Variants in KDM1A observed in about 807,000 individuals in gnomAD.
KDM1A encodes the protein lysine demethylase 1A, also known as lysine-specific histone demethylase 1A.
In KDM1A, 49 loss-of-function variants were observed where a neutral mutation model predicts 109.4. The observed-to-expected ratio is 0.45, with a 90% CI of 0.36 to 0.57. KDM1A has a LOEUF of 0.57. Ranked by LOEUF, KDM1A falls within the 20% of genes least tolerant of loss-of-function variation. The probability of loss-of-function intolerance (pLI) is 0.00; values close to 1 mark genes in which losing one functional copy is unlikely to be tolerated. For synonymous variants in KDM1A, 380 were observed against 415.4 expected, an observed-to-expected ratio of 0.91 and a Z score of 1.04; for missense variants, 668 against 1,116.6, an observed-to-expected ratio of 0.60 and a Z score of 5.73.
chr1:23,027,456 G>A (rs1201187751), intron 1 of KDM1A, among the ~76,000 whole-genome samples: 7 of 127,130 alleles, frequency 5.5e-5, no homozygotes, highest in Non-Finnish European at 3.2e-5. Context: ...ACTCTGTCAC[G>A]CAGGCTGGAG....
At chr1:23,080,250 A>G (rs1032613400) in intron 18 of KDM1A, among the ~76,000 whole-genome samples, 4 of 152,226 alleles carry the variant, frequency 2.6e-5, no homozygotes, top group Non-Finnish European at 5.9e-5. Flanking sequence ...CCCAGTGGTG[A>G]ATGGTCTTTC....
chr1:23,075,071 A>C (rs1643424307), intron 15 of KDM1A, among the ~76,000 whole-genome samples: 1 of 152,264 alleles, frequency 6.6e-6, no homozygotes, highest in South Asian at 2.1e-4. Flanking sequence ...AGGTCAATTT[A>C]GGGTGAATTG....
intron 3 of KDM1A, among the ~76,000 whole-genome samples, chr1:23,045,829 A>G (rs1569707125): frequency 6.6e-6 from 1 of 152,204 alleles, no homozygotes; most frequent in Non-Finnish European, 1.5e-5. Flanking sequence ...TGACTGTTGT[A>G]AAACCTTCAA....
intron 4 of KDM1A, among the ~76,000 whole-genome samples, chr1:23,051,508 A>G (rs531754249): frequency 9.2e-5 from 14 of 152,296 alleles, no homozygotes; most frequent in East Asian, 5.8e-4. Context: ...GTGATAATCT[A>G]TGCTCCTATA....
intron 12 of KDM1A, among the ~76,000 whole-genome samples, chr1:23,070,807 CA>C (rs375171669): frequency 4.4e-4 from 53 of 120,162 alleles, no homozygotes; most frequent in East Asian, 7.2e-4. Flanking sequence ...GACTCTGTCT[CA>C]AAAAAAAAAA....
Position 23,042,444 on chromosome 1 carries a change from T to TA in KDM1A, c.518-1983_518-1982insA, listed in dbSNP as rs1489552808. Among the ~76,000 whole-genome samples, 71 of 88,196 alleles carry TA rather than the reference T, an allele frequency of 8.1e-4. 2 individuals carry two copies. Among genetic ancestry groups the TA allele is most frequent in the African/African-American group, 1.8e-3 (44 of 23,870 alleles). The allele number at this position is 88,196 out of a possible 152,430, so 57.9% of individuals were successfully genotyped here. A position where few individuals can be genotyped will look rare whatever the true frequency, so the allele number is the denominator to read the frequency against. On this transcript the variant is annotated intron_variant, in intron 2 of 20. Transcript: ENST00000400181. ...TAAAAATCTATGAAATATATTATTT[T>TA]TTTTTTTTTTTTTTTTTTTTTTTTT...
rs1160357911 is a variant in KDM1A at position 23,042,446 on chromosome 1, T to TATTA, written c.518-1981_518-1980insATTA. ...AAAATCTATGAAATATATTATTTTT[T>TATTA]TTTTTTTTTTTTTTTTTTTTTTTTG... On this transcript the variant is annotated intron_variant, in intron 2 of 20. Coordinates refer to ENST00000400181, the MANE Select transcript of KDM1A (RefSeq NM_001009999.3). 1.6e-3 allele frequency among the ~76,000 whole-genome samples: 26 copies of TATTA among 16,096 alleles called. 1 individual carries two copies. Among genetic ancestry groups the TATTA allele is most frequent in the African/African-American group, 4.2e-3 (16 of 3,770 alleles). 10.6% of individuals were successfully genotyped at this position (16,096 alleles called of 152,430 possible).
intron 8 of KDM1A, among the ~76,000 whole-genome samples, chr1:23,058,413 A>T (rs574960452): frequency 2.0e-4 from 31 of 152,358 alleles, no homozygotes; most frequent in Non-Finnish European, 4.0e-4. Flanking sequence ...TAGGACAAGT[A>T]CAAAGAACCC....
intron 2 of KDM1A, among the ~76,000 whole-genome samples, chr1:23,041,346 T>G (rs1452376145): frequency 6.6e-6 from 1 of 151,920 alleles, no homozygotes; most frequent in African/African-American, 2.4e-5. Flanking sequence ...ACTTTTAAAT[T>G]TTGTTTTCCA....
chr1:23,078,568 C>T (rs1032625422), intron 16 of KDM1A, among the ~76,000 whole-genome samples: 6 of 152,188 alleles, frequency 3.9e-5, no homozygotes, highest in African/African-American at 1.4e-4. Flanking sequence ...TGCATCACAG[C>T]CTTCTTGTAG....
chr1:23,038,670 G>A (rs1003182512), intron 2 of KDM1A, among the ~76,000 whole-genome samples: 1 of 152,136 alleles, frequency 6.6e-6, no homozygotes, highest in African/African-American at 2.4e-5. Flanking sequence ...AGCTTGTAGG[G>A]CCTTTTACTT....
At chr1:23,082,936 T>C (rs1047607304) in intron 20 of KDM1A, 1 of 393,782 alleles carries the variant, frequency 2.5e-6, no homozygotes. Context: ...TCTAAACTGA[T>C]GAGAACACAT....
At chr1:23,059,597 C>G (rs1433097655) in intron 9 of KDM1A, among the ~76,000 whole-genome samples, 2 of 152,060 alleles carry the variant, frequency 1.3e-5, no homozygotes, top group African/African-American at 4.8e-5. Flanking sequence ...GGCTAATAGC[C>G]AAATGGTGGT....
chr1:23,040,513 T>C (rs549650970), intron 2 of KDM1A, among the ~76,000 whole-genome samples: 3 of 152,040 alleles, frequency 2.0e-5, no homozygotes, highest in African/African-American at 7.2e-5. Flanking sequence ...GTCTCTACTT[T>C]AGGCCGATTG....
intron 2 of KDM1A, among the ~76,000 whole-genome samples, chr1:23,041,840 A>T (rs964825291): frequency 6.6e-6 from 1 of 150,790 alleles, no homozygotes; most frequent in Non-Finnish European, 1.5e-5. Context: ...GCATTTTTTT[A>T]AATTAAAAAA....
intron 10 of KDM1A, among the ~76,000 whole-genome samples, 182 bp downstream of exon 10, chr1:23,066,253 A>T (rs1643157650): frequency 6.6e-6 from 1 of 152,180 alleles, no homozygotes; most frequent in Non-Finnish European, 1.5e-5. Flanking sequence ...CATTGAAAGC[A>T]CGTGTAAAAC....
At chr1:23,064,253 T>C (rs939763638) in intron 9 of KDM1A, among the ~76,000 whole-genome samples, 1 of 152,248 alleles carries the variant, frequency 6.6e-6, no homozygotes, top group African/African-American at 2.4e-5. Context: ...AATAGCTATA[T>C]CTCATTTCCC....
chr1:23,037,246 G>T (rs1334561919), intron 2 of KDM1A, among the ~76,000 whole-genome samples: 1 of 150,992 alleles, frequency 6.6e-6, no homozygotes, highest in Admixed American at 6.6e-5. Context: ...AGAGGTTGCA[G>T]TGAGCTGGGA....
At position 23,071,321 on chromosome 1, in the gene KDM1A, G is replaced by A; in HGVS notation, c.1510G>A (p.Val504Met). The change falls in exon 13 of 21, where the codon GTG (valine) becomes ATG (methionine). Residue 504 changes from valine to methionine, a missense_variant. Val to Met is a conservative substitution (Grantham distance 21, BLOSUM62 1). This residue lies in a region of KDM1A where 162 missense variants were observed against 376.4 expected (regional missense o/e 0.43). Transcript: ENST00000400181. ...CAGAGATATTACTGCCGAGTTCTTA[G>A]TGAAAAGCAAACACAGGGATCTGAC... Reference protein sequence around the residue: ...PPRDITAEFLVKSKHRDLTAL... With the variant: ...PPRDITAEFLMKSKHRDLTAL... 6.2e-7 allele frequency: 1 copy of A among 1,613,566 alleles called. No individual in the cohort carries two copies. Among genetic ancestry groups the A allele is most frequent in the Non-Finnish European group, 8.5e-7 (1 of 1,179,866 alleles).
Sources: gnomAD v4.1 joint callset for allele counts (sites outside exome capture counted in the v4.1 genomes callset) on GRCh38, gnomAD v4.1.1 for gene constraint, gnomAD v4.1.1 regional missense constraint, MANE v1.5 for transcripts, NCBI Gene and HGNC (gene_info 2026-07-23, HGNC 2026-07-21) for gene names.